Variants in KALRN observed in about 807,000 individuals in gnomAD.
The protein encoded by KALRN is kalirin RhoGEF kinase.
KALRN carries 70 observed loss-of-function variants against 353.7 expected under a neutral mutation model. The ratio of observed to expected loss-of-function variants is 0.20; its 90% confidence interval spans 0.16 to 0.24. The LOEUF (loss-of-function observed/expected upper bound fraction) is 0.24. KALRN is among the 10% of genes least tolerant of loss of function. The probability of loss-of-function intolerance (pLI) is 1.00; values close to 1 mark genes in which losing one functional copy is unlikely to be tolerated. For synonymous variants in KALRN, 1,391 were observed against 1,434.8 expected (o/e 0.97, Z 0.69); for missense variants, 2,791 against 3,756.7 (o/e 0.74, Z 6.72).
chr3:124,153,121 T>A (rs918440217), intron 1 of KALRN: 2 of 157,012 alleles, frequency 1.3e-5, no homozygotes, highest in East Asian at 1.8e-4. Flanking sequence ...TTTTTATTTT[T>A]TTATTATTAT....
chr3:124,452,473 A>G (rs1317795216), intron 21 of KALRN, among the ~76,000 whole-genome samples: 2 of 152,216 alleles, frequency 1.3e-5, no homozygotes, highest in South Asian at 4.1e-4. Flanking sequence ...AGAAGCATGT[A>G]TGTGATACTG....
chr3:124,298,950 A>G lies in KALRN; in HGVS notation c.1092+37A>G, dbSNP rs965410629. On this transcript the variant is annotated intron_variant, in intron 6 of 59. Transcript: ENST00000682506. The stretch of plus-strand genomic sequence containing the variant: ...GGCTGTTCTCAGCACTGCCTCTGGG[A>G]GTGGGAGAGTGGGGAGAAGTGGGAG... The G allele has an allele frequency of 1.5e-5, 24 of 1,612,982 alleles. No individual in the cohort carries two copies. In the African/African-American group the frequency reaches 2.7e-4, roughly 18 times the overall value.
chr3:124,171,384 A>G (rs1298785002), intron 1 of KALRN, among the ~76,000 whole-genome samples: 1 of 152,186 alleles, frequency 6.6e-6, no homozygotes, highest in Non-Finnish European at 1.5e-5. Flanking sequence ...GCTGGTTGTC[A>G]GCTGAATAAC....
chr3:124,137,130 G>A (rs549453819), intron 1 of KALRN, among the ~76,000 whole-genome samples: 190 of 152,274 alleles, frequency 1.2e-3, no homozygotes, highest in African/African-American at 4.5e-3. Context: ...CTGGAGGGAC[G>A]TGCTTGTTAC....
chr3:124,301,229 G>C (rs1018573586), intron 6 of KALRN, among the ~76,000 whole-genome samples: 2 of 152,228 alleles, frequency 1.3e-5, no homozygotes, highest in Admixed American at 6.5e-5. Context: ...TTCTCTGCTA[G>C]TGTGGATAAC....
intron 6 of KALRN, among the ~76,000 whole-genome samples, chr3:124,319,913 G>A (rs968307415): frequency 6.6e-6 from 1 of 151,984 alleles, no homozygotes; most frequent in African/African-American, 2.4e-5. Context: ...AGAATTGCTT[G>A]AACCCAGGAG....
intron 1 of KALRN, among the ~76,000 whole-genome samples, chr3:124,218,442 A>T (rs963101296): frequency 6.6e-6 from 1 of 152,142 alleles, no homozygotes; most frequent in African/African-American, 2.4e-5. Context: ...ATACACAGCT[A>T]ATGTTCAACA....
chr3:124,590,980 G>A (rs568272393), intron 34 of KALRN, among the ~76,000 whole-genome samples: 12 of 152,148 alleles, frequency 7.9e-5, no homozygotes, highest in Admixed American at 4.6e-4. Flanking sequence ...GCTTGTCTTC[G>A]TCTGAACAGA....
At position 124,721,536 on chromosome 3, in the gene KALRN, A is replaced by C. The variant is rs920829961; in HGVS notation, c.*2066A>C. 4 of 152,264 alleles carry C rather than the reference A, an allele frequency of 2.6e-5. No individual in the cohort carries two copies. Among genetic ancestry groups the C allele is most frequent in the Admixed American group, 2.0e-4 (3 of 15,286 alleles). 9.4% of individuals were successfully genotyped at this position (152,264 alleles called of 1,614,324 possible). On this transcript the variant is annotated 3_prime_UTR_variant, in exon 60 of 60. Coordinates refer to ENST00000682506, the MANE Select transcript of KALRN (RefSeq NM_001388419.1). The stretch of plus-strand genomic sequence containing the variant: ...AAAATGTAAAACATATTTAGTAAAA[A>C]AATTTTAGTAAACATGTTTTCATTG...
intron 33 of KALRN, among the ~76,000 whole-genome samples, chr3:124,559,181 G>A (rs1413008591): frequency 6.6e-6 from 1 of 152,212 alleles, no homozygotes; most frequent in Non-Finnish European, 1.5e-5. Context: ...GGAGCTGGAG[G>A]AAAGTGAGGA....
rs146772326 is a variant in KALRN at position 124,464,585 on chromosome 3, C to T, written c.4031+1952C>T. On this transcript the variant is annotated intron_variant, in intron 25 of 59. Transcript: ENST00000682506. ...CTATCAAGAACACAGCTACCCAGCACATATTATCGAGTTAGAATATTATGA... is the reference window on the plus strand; with the variant it reads ...CTATCAAGAACACAGCTACCCAGCATATATTATCGAGTTAGAATATTATGA... 5.7e-3 allele frequency among the ~76,000 whole-genome samples: 864 copies of T among 152,128 alleles called. 4 individuals are homozygous for T. The highest frequency in any genetic ancestry group is 6.2e-3 in the Non-Finnish European group (423 of 67,994).
chr3:124,372,117 A>G (rs531431532), intron 10 of KALRN, among the ~76,000 whole-genome samples: 1 of 152,302 alleles, frequency 6.6e-6, no homozygotes, highest in East Asian at 1.9e-4. Flanking sequence ...TTTGCAAATG[A>G]CTGGATCTCA....
At chr3:124,518,386 C>T (rs780475286) in intron 33 of KALRN, 1 of 1,610,770 alleles carries the variant, frequency 6.2e-7, no homozygotes. Context: ...AGAGCCCGGC[C>T]CTTTTCTTAA....
chr3:124,594,987 AT>A (rs143086565), intron 34 of KALRN, among the ~76,000 whole-genome samples: 6,919 of 148,792 alleles, frequency 0.047, 193 homozygotes, highest in Middle Eastern at 0.079. Flanking sequence ...TTATTTATTT[AT>A]TTTTTTGAGA....
intron 33 of KALRN, among the ~76,000 whole-genome samples, chr3:124,547,611 C>A (rs1410684220): frequency 2.6e-5 from 4 of 152,098 alleles, no homozygotes; most frequent in Non-Finnish European, 1.5e-5. Flanking sequence ...CCAACCTGTA[C>A]CCAGAGTGAC....
rs1415346942 is a variant in KALRN at position 124,332,922 on chromosome 3, C to G, written c.1417-1343C>G. Among the ~76,000 whole-genome samples, 3 of 152,016 alleles carry G rather than the reference C, an allele frequency of 2.0e-5. No individual in the cohort carries two copies. In the East Asian group the frequency reaches 5.8e-4, roughly 29 times the overall value. ...GATGATGGTTGTATTAGTCTGTTCT[C>G]ATGCCGCTAATAAAGACATACCTGA... On this transcript the variant is annotated intron_variant, in intron 8 of 59. Transcript: ENST00000682506.
intron 34 of KALRN, among the ~76,000 whole-genome samples, chr3:124,586,467 G>T (rs113806784): frequency 1.3e-5 from 2 of 152,272 alleles, no homozygotes; most frequent in African/African-American, 2.4e-5. Context: ...CTCTCTGGGC[G>T]TCTTGCTGGC....
At position 124,693,821 on chromosome 3, in the gene KALRN, C is replaced by T. The variant is rs1168501244; in HGVS notation, c.7395C>T (p.Phe2465=). 6.4e-7 allele frequency: 1 copy of T among 1,570,744 alleles called. No individual in the cohort carries two copies. The change falls in exon 52 of 60, where the codon TTC becomes TTT. Residue 2465 remains phenylalanine, a synonymous_variant. Transcript: ENST00000682506. The part of the protein sequence containing the change: ...NTSMEILNPN[F]IQEVAPEFLV... ...TTTTTCAGATCTTAAATCCAAATTT[C>T]ATCCAAGAAGGTGAGTTAAAAAGCA...
chr3:124,397,464 T>C (rs1460833207), intron 12 of KALRN, among the ~76,000 whole-genome samples: 4 of 152,220 alleles, frequency 2.6e-5, no homozygotes, highest in Admixed American at 2.6e-4. Flanking sequence ...TCAGAAAGCC[T>C]GCTGATGAGA....
Sources: allele counts gnomAD v4.1 joint callset (sites outside exome capture counted in the v4.1 genomes callset), GRCh38; gene constraint gnomAD v4.1.1; transcripts MANE v1.5; gene names NCBI Gene and HGNC (gene_info 2026-07-23, HGNC 2026-07-21).